CTNND2: variants seen among roughly 807,000 people sequenced by gnomAD.
CTNND2 encodes catenin delta-2.
In CTNND2, 22 loss-of-function variants were observed where a neutral mutation model predicts 144.4. That is an observed-to-expected ratio of 0.15 (90% CI 0.11 to 0.22). The LOEUF (loss-of-function observed/expected upper bound fraction) is 0.22, where lower values mean the gene tolerates loss of function less well. Ranked by LOEUF, CTNND2 falls within the 10% of genes least tolerant of loss-of-function variation. The probability of loss-of-function intolerance (pLI) is 1.00; values close to 1 mark genes in which losing one functional copy is unlikely to be tolerated. For synonymous variants in CTNND2, 751 were observed against 695.6 expected, an observed-to-expected ratio of 1.08 and a Z score of -1.25; for missense variants, 1,353 against 1,618.8, an observed-to-expected ratio of 0.84 and a Z score of 2.82.
intron 7 of CTNND2, among the ~76,000 whole-genome samples, chr5:11,369,562 C>T (rs1362299010): frequency 2.6e-5 from 4 of 152,038 alleles, no homozygotes; most frequent in Non-Finnish European, 4.4e-5. Flanking sequence ...TTTGTAGGTA[C>T]TAGTTAATCC....
intron 14 of CTNND2, among the ~76,000 whole-genome samples, chr5:11,104,674 C>T (rs1459703524): frequency 2.6e-5 from 4 of 152,066 alleles, no homozygotes; most frequent in Admixed American, 6.5e-5. Flanking sequence ...AACGGTAGTG[C>T]GGGTGTCTGA....
chr5:11,399,322 A>G (rs991079521), intron 5 of CTNND2, among the ~76,000 whole-genome samples: 1 of 152,224 alleles, frequency 6.6e-6, no homozygotes, highest in African/African-American at 2.4e-5. Flanking sequence ...GGAAATATCA[A>G]TAGAATGAAG....
intron 1 of CTNND2, among the ~76,000 whole-genome samples, chr5:11,799,781 T>C (rs1234776447): frequency 6.6e-6 from 1 of 152,192 alleles, no homozygotes; most frequent in East Asian, 1.9e-4. Context: ...ATGTTGCACT[T>C]AAGTTGTGTC....
intron 2 of CTNND2, among the ~76,000 whole-genome samples, chr5:11,587,513 A>G (rs925071683): frequency 6.6e-6 from 1 of 152,046 alleles, no homozygotes; most frequent in Non-Finnish European, 1.5e-5. Context: ...ATATTAAAAC[A>G]TGAAAATATG....
At chr5:11,432,805 C>T (rs1311122093) in intron 3 of CTNND2, among the ~76,000 whole-genome samples, 4 of 152,248 alleles carry the variant, frequency 2.6e-5, no homozygotes, top group Non-Finnish European at 5.9e-5. Context: ...ATCTGAATAT[C>T]TTACGTTTCT....
intron 1 of CTNND2, among the ~76,000 whole-genome samples, chr5:11,848,848 T>C (rs1007187981): frequency 1.4e-4 from 22 of 152,102 alleles, no homozygotes; most frequent in Admixed American, 3.3e-4. Flanking sequence ...CCAGGCTAGA[T>C]CAGGCAGAGT....
chr5:11,192,309 C>T (rs899243402), intron 11 of CTNND2, among the ~76,000 whole-genome samples: 2 of 152,158 alleles, frequency 1.3e-5, no homozygotes, highest in African/African-American at 4.8e-5. Context: ...GGCTGGCATC[C>T]CCCGACTAAA....
intron 9 of CTNND2, among the ~76,000 whole-genome samples, chr5:11,304,499 G>A (rs540668744): frequency 2.0e-5 from 3 of 152,240 alleles, no homozygotes; most frequent in Admixed American, 2.0e-4. Context: ...CCAGGTTTTT[G>A]CAGACCTGAA....
chr5:11,900,072 ACCC>A (rs1242477837), intron 1 of CTNND2, among the ~76,000 whole-genome samples: 8 of 152,156 alleles, frequency 5.3e-5, no homozygotes, highest in African/African-American at 1.7e-4. Flanking sequence ...ATATATAAGA[ACCC>A]AATAAAATGT....
intron 1 of CTNND2, among the ~76,000 whole-genome samples, chr5:11,879,341 G>GTGTATATGTATA: frequency 9.1e-6 from 1 of 109,382 alleles, no homozygotes; most frequent in East Asian, 2.5e-4. Flanking sequence ...TTAAATGTGT[G>GTGTATATGTATA]TATATATATA....
intron 9 of CTNND2, among the ~76,000 whole-genome samples, chr5:11,251,640 G>A (rs1580713321): frequency 1.3e-5 from 2 of 152,142 alleles, no homozygotes; most frequent in African/African-American, 4.8e-5. Context: ...CAGAGCAAAC[G>A]AATCGTCCTC....
At chr5:11,485,345 C>CTGTGTGTGTGTGTGTGTGTGTGTG (rs375624492) in intron 3 of CTNND2, among the ~76,000 whole-genome samples, 2 of 148,736 alleles carry the variant, frequency 1.3e-5, no homozygotes, top group African/African-American at 5.0e-5. Context: ...GAGACAGAGA[C>CTGTGTGTGTGTGTGTGTGTGTGTG]TGTGTGTGTG....
At chr5:11,747,307 A>G (rs1225926322) in intron 1 of CTNND2, among the ~76,000 whole-genome samples, 1 of 152,224 alleles carries the variant, frequency 6.6e-6, no homozygotes, top group African/African-American at 2.4e-5. Context: ...TGAAATAGGC[A>G]CAGTACTTTA....
chr5:11,890,195 C>T (rs1736851080), intron 1 of CTNND2, among the ~76,000 whole-genome samples: 2 of 152,142 alleles, frequency 1.3e-5, no homozygotes, highest in South Asian at 4.1e-4. Context: ...TCCCTGAAAA[C>T]TTAAACTTGG....
At chr5:11,423,293 GAT>G (rs1762516148) in intron 3 of CTNND2, among the ~76,000 whole-genome samples, 1 of 152,238 alleles carries the variant, frequency 6.6e-6, no homozygotes, top group Non-Finnish European at 1.5e-5. Flanking sequence ...CTCACAGTCA[GAT>G]GTTGATTAAC....
intron 2 of CTNND2, among the ~76,000 whole-genome samples, chr5:11,635,966 C>G (rs1184464503): frequency 6.6e-6 from 1 of 151,936 alleles, no homozygotes; most frequent in Non-Finnish European, 1.5e-5. Context: ...AATTTCCAGT[C>G]TAATAGAAAT....
At chr5:11,418,711 G>C (rs1420026086) in intron 3 of CTNND2, among the ~76,000 whole-genome samples, 2 of 152,124 alleles carry the variant, frequency 1.3e-5, no homozygotes, top group Non-Finnish European at 2.9e-5. Flanking sequence ...TTACTACTTG[G>C]ATATTGGGAG....
chr5:11,546,723 A>G (rs975618783), intron 3 of CTNND2, among the ~76,000 whole-genome samples: 3 of 152,226 alleles, frequency 2.0e-5, no homozygotes, highest in African/African-American at 7.2e-5. Context: ...ACTGAATAAC[A>G]TTTGAGAAGA....
At chr5:11,474,985 G>A (rs1270071952) in intron 3 of CTNND2, among the ~76,000 whole-genome samples, 1 of 152,196 alleles carries the variant, frequency 6.6e-6, no homozygotes, top group Non-Finnish European at 1.5e-5. Context: ...AAGCTGAGGT[G>A]TAATCAGCAG....
Sources: allele counts gnomAD v4.1 joint callset (sites outside exome capture counted in the v4.1 genomes callset), GRCh38; gene constraint gnomAD v4.1.1; transcripts MANE v1.5; gene names NCBI Gene and HGNC (gene_info 2026-07-23, HGNC 2026-07-21).